The following IL19 variants were observed in gnomAD, a reference collection of about 807,000 sequenced individuals.
IL19 encodes the protein interleukin 19.
Under a neutral mutation model 19.5 loss-of-function variants are expected in IL19, and 15 were observed. The ratio of observed to expected loss-of-function variants is 0.77; its 90% CI spans 0.52 to 1.19. The LOEUF is 1.19. Among genes scored for constraint, IL19 ranks in the 50% most tolerant of loss-of-function variants. The pLI is 0.00. For synonymous variants in IL19, 78 were observed against 78.3 expected, an observed-to-expected ratio of 1.00 and a Z score of 0.02; for missense variants, 199 against 213.1, an observed-to-expected ratio of 0.93 and a Z score of 0.41.
intron 1 of IL19, among the ~76,000 whole-genome samples, chr1:206,775,785 T>A (rs1285438909): frequency 3.3e-5 from 5 of 152,056 alleles, no homozygotes; most frequent in Admixed American, 2.6e-4. Context: ...GAGATTTGGG[T>A]TTGGATTTTG....
At chr1:206,811,336 C>T (rs1425012763) in intron 2 of IL19, among the ~76,000 whole-genome samples, 1 of 150,490 alleles carries the variant, frequency 6.6e-6, no homozygotes, top group Non-Finnish European at 1.5e-5. Flanking sequence ...CCCAGCTACT[C>T]AGGAGGCTGA....
intron 2 of IL19, among the ~76,000 whole-genome samples, chr1:206,833,420 G>T (rs1172802290): frequency 6.6e-6 from 1 of 152,238 alleles, no homozygotes; most frequent in Non-Finnish European, 1.5e-5. Context: ...AAACAGTTTA[G>T]TTTCAGCTTG....
intron 6 of IL19, among the ~76,000 whole-genome samples, chr1:206,842,195 G>C (rs775274153): frequency 1.4e-4 from 22 of 152,122 alleles, no homozygotes; most frequent in Admixed American, 1.0e-3. Context: ...AAGCAAGCTG[G>C]TGTGGAGAAG....
chr1:206,775,066 A>T (rs1674957063), intron 1 of IL19, among the ~76,000 whole-genome samples: 1 of 150,456 alleles, frequency 6.6e-6, no homozygotes, highest in Non-Finnish European at 1.5e-5. Flanking sequence ...TTTGAGACAG[A>T]GTCTCGCTCT....
intron 5 of IL19, 80 bp downstream of exon 5, chr1:206,840,082 C>A: frequency 6.8e-7 from 1 of 1,472,694 alleles, no homozygotes; most frequent in Non-Finnish European, 9.5e-7. Flanking sequence ...CCCCATCGGC[C>A]TCCTGATATG....
chr1:206,827,464 G>A (rs1373438207), intron 2 of IL19, among the ~76,000 whole-genome samples: 1 of 152,136 alleles, frequency 6.6e-6, no homozygotes, highest in Non-Finnish European at 1.5e-5. Context: ...GTCGAGGAGG[G>A]CGGATCACGA....
At chr1:206,826,030 G>A (rs535267832) in intron 2 of IL19, among the ~76,000 whole-genome samples, 2 of 152,254 alleles carry the variant, frequency 1.3e-5, no homozygotes, top group South Asian at 2.1e-4. Flanking sequence ...TGGGACACAC[G>A]GTCTCAGCCC....
intron 2 of IL19, among the ~76,000 whole-genome samples, chr1:206,810,188 A>C (rs548832147): frequency 5.0e-4 from 76 of 152,356 alleles, no homozygotes; most frequent in Non-Finnish European, 9.3e-4. Context: ...TGTTAGACCA[A>C]GGAGGATAGA....
At position 206,798,923 on chromosome 1, in the gene IL19, G is replaced by T. The variant is rs1241300390; in HGVS notation, c.-86G>T. On this transcript the variant is annotated 5_prime_UTR_variant, in exon 2 of 7. Transcript: ENST00000659997. ...TGCACTGAGGGAGCGTTTCCGCACAGATCTGCGTGTTCCTTACCACTCACA... is the reference window on the plus strand; with the variant it reads ...TGCACTGAGGGAGCGTTTCCGCACATATCTGCGTGTTCCTTACCACTCACA... 1 of 1,613,788 alleles carries T rather than the reference G, an allele frequency of 6.2e-7. No individual in the cohort carries two copies. Among genetic ancestry groups the T allele is most frequent in the Non-Finnish European group, 8.5e-7 (1 of 1,179,970 alleles).
chr1:206,785,930 G>T (rs541741936), intron 1 of IL19, among the ~76,000 whole-genome samples: 1 of 152,144 alleles, frequency 6.6e-6, no homozygotes, highest in South Asian at 2.1e-4. Flanking sequence ...AAAGCTACCT[G>T]CACCGAAGTG....
intron 1 of IL19, 56 bp downstream of exon 1, chr1:206,771,134 A>C: frequency 6.6e-7 from 1 of 1,508,502 alleles, no homozygotes. Context: ...AACTAGCTTA[A>C]GAGGACAGCT....
At chr1:206,814,689 G>GTC (rs1406255014) in intron 2 of IL19, among the ~76,000 whole-genome samples, 13 of 102,190 alleles carry the variant, frequency 1.3e-4, no homozygotes, top group African/African-American at 5.1e-4. Context: ...GTGAAACTCT[G>GTC]TCACACACAC....
chr1:206,815,483 G>A (rs976324509), intron 2 of IL19, among the ~76,000 whole-genome samples: 1 of 152,130 alleles, frequency 6.6e-6, no homozygotes, highest in African/African-American at 2.4e-5. Context: ...AGTGTATGTA[G>A]TTCTCTTTGG....
chr1:206,837,386 A>G (rs936289491), intron 4 of IL19, among the ~76,000 whole-genome samples: 3 of 152,114 alleles, frequency 2.0e-5, no homozygotes, highest in Admixed American at 6.5e-5. Flanking sequence ...GGAGGAAGGA[A>G]TTTGGGCAGG....
At chr1:206,776,427 G>GGGGT (rs1674995512) in intron 1 of IL19, among the ~76,000 whole-genome samples, 1 of 148,358 alleles carries the variant, frequency 6.7e-6, no homozygotes, top group African/African-American at 2.5e-5. Context: ...GAACTGCTGG[G>GGGGT]GTGTGTGTGT....
intron 2 of IL19, among the ~76,000 whole-genome samples, chr1:206,809,850 G>C (rs552205023): frequency 6.6e-6 from 1 of 152,330 alleles, no homozygotes; most frequent in East Asian, 1.9e-4. Flanking sequence ...AACTTCCCCA[G>C]ATTCATCAGT....
At position 206,799,023 on chromosome 1, in the gene IL19, A is replaced by C. The variant is rs761889997; in HGVS notation, c.-3+17A>C. ...TTCCACGGGGTAAGTAATTTCTGCTATAGGGACCCTGGATGTGGAGCCATT... is the reference window on the plus strand; with the variant it reads ...TTCCACGGGGTAAGTAATTTCTGCTCTAGGGACCCTGGATGTGGAGCCATT... On this transcript the variant is annotated intron_variant, in intron 2 of 6. Transcript: ENST00000659997. 2.0e-6 allele frequency: 3 copies of C among 1,528,004 alleles called. No individual in the cohort carries two copies. The highest frequency in any genetic ancestry group is 2.2e-5 in the South Asian group (2 of 89,298). 94.7% of individuals were successfully genotyped at this position (1,528,004 alleles called of 1,614,324 possible). A position where few individuals can be genotyped will look rare whatever the true frequency, so the allele number is the denominator to read the frequency against.
At chr1:206,776,909 C>CAAAAAAAA (rs1186364224) in intron 1 of IL19, among the ~76,000 whole-genome samples, 1 of 50,470 alleles carries the variant, frequency 2.0e-5, no homozygotes, top group African/African-American at 7.8e-5. Flanking sequence ...CTTGCAACTA[C>CAAAAAAAA]AAAAAAAAAA....
chr1:206,803,543 T>C (rs907169777), intron 2 of IL19, among the ~76,000 whole-genome samples: 6 of 152,118 alleles, frequency 3.9e-5, no homozygotes, highest in Admixed American at 6.5e-5. Context: ...TGGATGCTTG[T>C]ACTGTGCTGC....
Sources: gnomAD v4.1 joint callset for allele counts (sites outside exome capture counted in the v4.1 genomes callset) on GRCh38, gnomAD v4.1.1 for gene constraint, MANE v1.5 for transcripts, NCBI Gene and HGNC (gene_info 2026-07-23, HGNC 2026-07-21) for gene names.